The following VSNL1 variants were observed in gnomAD, a reference collection of about 807,000 sequenced individuals.
VSNL1 encodes visinin like 1, also known as visinin-like protein 1.
Under a neutral mutation model 20.4 loss-of-function variants are expected in VSNL1, and 6 were observed. That is an observed-to-expected ratio of 0.29 (90% CI 0.16 to 0.58). The LOEUF (loss-of-function observed/expected upper bound fraction) is 0.58. VSNL1 is among the 20% of genes least tolerant of loss of function. The pLI is 0.90. For missense variants in VSNL1, 100 were observed against 234.5 expected, an observed-to-expected ratio of 0.43 and a Z score of 3.75; for synonymous variants, 93 against 86.4, an observed-to-expected ratio of 1.08 and a Z score of -0.42.
intron 2 of VSNL1, among the ~76,000 whole-genome samples, chr2:17,632,071 G>C (rs575740466): frequency 1.3e-5 from 2 of 152,038 alleles, no homozygotes; most frequent in Non-Finnish European, 2.9e-5. Context: ...ATTTTTAGTA[G>C]AGACGGTTTT....
chr2:17,651,581 G>A (rs1256284353), intron 3 of VSNL1, among the ~76,000 whole-genome samples: 2 of 152,220 alleles, frequency 1.3e-5, no homozygotes, highest in African/African-American at 4.8e-5. Context: ...CATGGTCACT[G>A]GCATTTTGTG....
intron 1 of VSNL1, among the ~76,000 whole-genome samples, chr2:17,585,480 T>G (rs1664448693): frequency 6.6e-6 from 1 of 151,934 alleles, no homozygotes; most frequent in South Asian, 2.1e-4. Context: ...CGGTGTCAGT[T>G]GTTTATAGGA....
chr2:17,593,677 T>C (rs1428255793), intron 2 of VSNL1, among the ~76,000 whole-genome samples: 1 of 152,244 alleles, frequency 6.6e-6, no homozygotes, highest in Non-Finnish European at 1.5e-5. Flanking sequence ...ACGATCACTG[T>C]GACATTTCTA....
At chr2:17,584,300 A>G (rs1329466838) in intron 1 of VSNL1, among the ~76,000 whole-genome samples, 1 of 152,148 alleles carries the variant, frequency 6.6e-6, no homozygotes, top group Non-Finnish European at 1.5e-5. Context: ...AAAGTCATAG[A>G]ATAGCACCTG....
intron 3 of VSNL1, among the ~76,000 whole-genome samples, chr2:17,654,155 G>A (rs1394469740): frequency 6.6e-6 from 1 of 152,106 alleles, no homozygotes; most frequent in East Asian, 1.9e-4. Flanking sequence ...TAATAATACT[G>A]CTATGAATGT....
intron 2 of VSNL1, among the ~76,000 whole-genome samples, chr2:17,605,888 T>A (rs1461449680): frequency 6.6e-6 from 1 of 152,236 alleles, no homozygotes; most frequent in East Asian, 1.9e-4. Flanking sequence ...AAAGGATGAC[T>A]AGATGCATAG....
intron 1 of VSNL1, among the ~76,000 whole-genome samples, chr2:17,556,823 G>T (rs1444396834): frequency 6.6e-6 from 1 of 152,158 alleles, no homozygotes; most frequent in African/African-American, 2.4e-5. Context: ...ACACCAAATG[G>T]TCTCTAAGAG....
chr2:17,656,546 T>C lies in VSNL1; in HGVS notation c.*1152T>C, dbSNP rs184501570. On this transcript the variant is annotated 3_prime_UTR_variant, in exon 4 of 4. Coordinates refer to ENST00000295156, the MANE Select transcript of VSNL1 (RefSeq NM_003385.5). ...ATAAGTCAGTAGGAAAGAAGACATC[T>C]GTCTTCCCAAATCTAAAGTAGGCAA... 2.6e-5 allele frequency: 4 copies of C among 152,366 alleles called. No individual in the cohort carries two copies. The highest frequency in any genetic ancestry group is 2.9e-5 in the Non-Finnish European group (2 of 68,042). 9.4% of individuals were successfully genotyped at this position (152,366 alleles called of 1,614,324 possible).
At chr2:17,639,722 C>T (rs1490535388) in intron 2 of VSNL1, among the ~76,000 whole-genome samples, 1 of 152,202 alleles carries the variant, frequency 6.6e-6, no homozygotes, top group Admixed American at 6.5e-5. Context: ...GAGCCCAACA[C>T]TGTGTGCACA....
chr2:17,621,708 G>A (rs1665364489), intron 2 of VSNL1, among the ~76,000 whole-genome samples: 1 of 152,176 alleles, frequency 6.6e-6, no homozygotes, highest in Non-Finnish European at 1.5e-5. Context: ...GCTCAGTACA[G>A]CCTCGAACCC....
At chr2:17,576,167 C>A (rs2103360808) in intron 1 of VSNL1, among the ~76,000 whole-genome samples, 1 of 152,188 alleles carries the variant, frequency 6.6e-6, no homozygotes, top group East Asian at 1.9e-4. Context: ...TTTGCAGTAA[C>A]TAGTTGTAAT....
At chr2:17,621,203 C>CTTCA (rs1665346931) in intron 2 of VSNL1, among the ~76,000 whole-genome samples, 1 of 151,306 alleles carries the variant, frequency 6.6e-6, no homozygotes, top group Non-Finnish European at 1.5e-5. Flanking sequence ...TCAACAGTTT[C>CTTCA]TTCCTTCCTT....
intron 1 of VSNL1, among the ~76,000 whole-genome samples, chr2:17,580,888 G>A (rs1192956698): frequency 6.6e-6 from 1 of 152,166 alleles, no homozygotes; most frequent in African/African-American, 2.4e-5. Flanking sequence ...AATGTTATAT[G>A]CTCATTATAA....
chr2:17,637,207 G>A (rs2103418038), intron 2 of VSNL1, among the ~76,000 whole-genome samples: 1 of 152,328 alleles, frequency 6.6e-6, no homozygotes, highest in South Asian at 2.1e-4. Flanking sequence ...GGAGCCCGGA[G>A]AGCCTGTCTG....
chr2:17,580,992 C>T (rs1176771695), intron 1 of VSNL1, among the ~76,000 whole-genome samples: 2 of 152,292 alleles, frequency 1.3e-5, no homozygotes, highest in Non-Finnish European at 2.9e-5. Flanking sequence ...AAATTATGAA[C>T]TGACCAAACT....
intron 2 of VSNL1, among the ~76,000 whole-genome samples, chr2:17,615,479 A>G (rs1440243142): frequency 3.3e-5 from 5 of 152,234 alleles, no homozygotes; most frequent in Non-Finnish European, 7.3e-5. Flanking sequence ...AAGAATAACA[A>G]AAGAAACCTC....
rs530278965 is a variant in VSNL1 at position 17,577,577 on chromosome 2, C to T, written c.-5-14493C>T. Reference sequence around the variant, plus strand: ...ATGTATTTGAGGAGACCTCAAATGTCCTCTCTTGAGTCTTTGTTTCTCCAG... The same window carrying T: ...ATGTATTTGAGGAGACCTCAAATGTTCTCTCTTGAGTCTTTGTTTCTCCAG... On this transcript the variant is annotated intron_variant, in intron 1 of 3. Coordinates refer to ENST00000295156, the MANE Select transcript of VSNL1 (RefSeq NM_003385.5). Among the ~76,000 whole-genome samples, 486 of 152,162 alleles carry T rather than the reference C, an allele frequency of 3.2e-3. 1 individual carries two copies. Among genetic ancestry groups the T allele is most frequent in the Non-Finnish European group, 4.3e-3 (289 of 67,996 alleles).
chr2:17,614,841 G>A (rs1447240675), intron 2 of VSNL1, among the ~76,000 whole-genome samples: 1 of 152,218 alleles, frequency 6.6e-6, no homozygotes, highest in East Asian at 1.9e-4. Context: ...TGGGTTCCAA[G>A]TTTCAGTGAG....
chr2:17,620,009 A>G (rs956864664), intron 2 of VSNL1, among the ~76,000 whole-genome samples: 7 of 152,240 alleles, frequency 4.6e-5, no homozygotes, highest in South Asian at 2.1e-4. Flanking sequence ...TTGGAGTTCA[A>G]TCTTTCTATA....
Sources: allele counts gnomAD v4.1 joint callset (sites outside exome capture counted in the v4.1 genomes callset), GRCh38; gene constraint gnomAD v4.1.1; transcripts MANE v1.5; gene names NCBI Gene and HGNC (gene_info 2026-07-23, HGNC 2026-07-21).